SEMA5A: variants seen among roughly 807,000 people sequenced by gnomAD.
SEMA5A encodes semaphorin 5A.
In SEMA5A, 55 loss-of-function variants were observed where a neutral mutation model predicts 135.5. That is an observed-to-expected ratio of 0.41 (90% CI 0.33 to 0.51). The LOEUF (loss-of-function observed/expected upper bound fraction) is 0.51. Ranked by LOEUF, SEMA5A falls within the 20% of genes least tolerant of loss-of-function variation. SEMA5A has a pLI of 0.37. For missense variants in SEMA5A, 1,290 were observed against 1,419.9 expected (o/e 0.91, Z 1.47); for synonymous variants, 580 against 546.5 (o/e 1.06, Z -0.85).
chr5:9,287,516 C>T (rs1219502552), intron 5 of SEMA5A, among the ~76,000 whole-genome samples: 1 of 151,912 alleles, frequency 6.6e-6, no homozygotes, highest in Non-Finnish European at 1.5e-5. Flanking sequence ...TAATCTTATC[C>T]ATTGCAAGAA....
Position 9,251,343 on chromosome 5 carries a change from T to G in SEMA5A, c.271-13453A>C, listed in dbSNP as rs550876849. 3.9e-5 allele frequency among the ~76,000 whole-genome samples: 6 copies of G among 152,254 alleles called. No individual in the cohort carries two copies. In the East Asian group the frequency reaches 1.2e-3, roughly 29 times the overall value. Reference sequence around the variant, plus strand: ...CTGAGAAAAATTCTGAAAAGAGCCATGCTATTAAATGCTGATATTAATTGT... The same window carrying G: ...CTGAGAAAAATTCTGAAAAGAGCCAGGCTATTAAATGCTGATATTAATTGT... On this transcript the variant is annotated intron_variant, in intron 5 of 22. Transcript: ENST00000382496.
At position 9,152,277 on chromosome 5, in the gene SEMA5A, G is replaced by A. The variant is rs189292247; in HGVS notation, c.1481+2211C>T. 3.1e-4 allele frequency among the ~76,000 whole-genome samples: 47 copies of A among 152,240 alleles called. No individual in the cohort carries two copies. In the South Asian group the frequency reaches 4.8e-3, roughly 15 times the overall value. Reference sequence around the variant, plus strand: ...TTCACTGAGCTGGAGTTGAAAGACTGGTGTCCTTCTAGATATATTCCAGCT... The same window carrying A: ...TTCACTGAGCTGGAGTTGAAAGACTAGTGTCCTTCTAGATATATTCCAGCT... On this transcript the variant is annotated intron_variant, in intron 12 of 22. Coordinates refer to ENST00000382496, the MANE Select transcript of SEMA5A (RefSeq NM_003966.3).
intron 1 of SEMA5A, among the ~76,000 whole-genome samples, chr5:9,484,010 T>G (rs1207588402): frequency 1.3e-5 from 2 of 152,190 alleles, no homozygotes; most frequent in African/African-American, 4.8e-5. Flanking sequence ...TCATTCTATA[T>G]TCACAGAATC....
At chr5:9,538,085 C>T (rs1737869820) in intron 1 of SEMA5A, among the ~76,000 whole-genome samples, 1 of 152,126 alleles carries the variant, frequency 6.6e-6, no homozygotes, top group South Asian at 2.1e-4. Context: ...GTGCAGTAAA[C>T]AAGGTGGGAG....
chr5:9,280,160 G>A (rs1325541392), intron 5 of SEMA5A, among the ~76,000 whole-genome samples: 1 of 152,098 alleles, frequency 6.6e-6, no homozygotes, highest in Admixed American at 6.5e-5. Flanking sequence ...TAATACCAGG[G>A]CTTTGTACAC....
chr5:9,171,525 T>C (rs1743919556), intron 11 of SEMA5A, among the ~76,000 whole-genome samples: 1 of 152,186 alleles, frequency 6.6e-6, no homozygotes, highest in East Asian at 1.9e-4. Flanking sequence ...ACGCTAATGA[T>C]GCAGAGTCCA....
At chr5:9,527,638 G>A (rs1243671688) in intron 1 of SEMA5A, among the ~76,000 whole-genome samples, 1 of 152,162 alleles carries the variant, frequency 6.6e-6, no homozygotes, top group Non-Finnish European at 1.5e-5. Context: ...TCATCACAAA[G>A]TAATACTTGC....
At chr5:9,251,505 A>G (rs1010742110) in intron 5 of SEMA5A, among the ~76,000 whole-genome samples, 1 of 152,184 alleles carries the variant, frequency 6.6e-6, no homozygotes, top group African/African-American at 2.4e-5. Flanking sequence ...TTCTAAAAAT[A>G]CTTTAGGTAT....
At position 9,042,527 on chromosome 5, in the gene SEMA5A, T is replaced by G; in HGVS notation, c.*370A>C. 1 of 234,686 alleles carries G rather than the reference T, an allele frequency of 4.3e-6. No individual in the cohort carries two copies. 14.5% of individuals were successfully genotyped at this position (234,686 alleles called of 1,614,324 possible). A position where few individuals can be genotyped will look rare whatever the true frequency, so the allele number is the denominator to read the frequency against. ...CTTTCAGAGAAAGTGCCTATTTTCT[T>G]GAATTACAACATCATGAAGATTTAC... is the stretch of plus-strand genomic sequence containing the variant. On this transcript the variant is annotated 3_prime_UTR_variant, in exon 23 of 23. Coordinates refer to ENST00000382496, the MANE Select transcript of SEMA5A (RefSeq NM_003966.3).
chr5:9,128,664 G>A (rs1741243512), intron 13 of SEMA5A, among the ~76,000 whole-genome samples: 2 of 152,138 alleles, frequency 1.3e-5, no homozygotes, highest in Admixed American at 1.3e-4. Flanking sequence ...CAGTCTATAT[G>A]ATTTAATTTC....
intron 2 of SEMA5A, among the ~76,000 whole-genome samples, chr5:9,418,343 T>A (rs1248000129): frequency 1.3e-5 from 2 of 152,128 alleles, no homozygotes; most frequent in Non-Finnish European, 2.9e-5. Context: ...TAATCACCTC[T>A]CAAAGGTCCA....
At chr5:9,194,156 C>A (rs1184927797) in intron 10 of SEMA5A, among the ~76,000 whole-genome samples, 2 of 152,188 alleles carry the variant, frequency 1.3e-5, no homozygotes, top group Non-Finnish European at 2.9e-5. Flanking sequence ...GCGTGTCTTA[C>A]TGAGGGTCAG....
chr5:9,187,323 CA>C (rs1179765694), intron 11 of SEMA5A, among the ~76,000 whole-genome samples: 1 of 152,056 alleles, frequency 6.6e-6, no homozygotes. Context: ...AAAAGATCCA[CA>C]AGTTAGTTGA....
At chr5:9,269,428 G>T (rs1231169465) in intron 5 of SEMA5A, among the ~76,000 whole-genome samples, 3 of 152,158 alleles carry the variant, frequency 2.0e-5, no homozygotes, top group African/African-American at 7.2e-5. Flanking sequence ...TACAAGAACA[G>T]TATTTGTGTT....
At chr5:9,067,638 C>A (rs889928528) in intron 16 of SEMA5A, among the ~76,000 whole-genome samples, 1 of 152,136 alleles carries the variant, frequency 6.6e-6, no homozygotes. Flanking sequence ...CTTTCAGTTG[C>A]AGATTTTGAT....
intron 8 of SEMA5A, among the ~76,000 whole-genome samples, chr5:9,213,976 G>T (rs1350500299): frequency 6.6e-6 from 1 of 151,500 alleles, no homozygotes; most frequent in East Asian, 1.9e-4. Context: ...CCAGTAGTAT[G>T]GGGGAAAGTG....
chr5:9,398,239 A>C (rs1044124134), intron 2 of SEMA5A, among the ~76,000 whole-genome samples: 8 of 152,210 alleles, frequency 5.3e-5, no homozygotes, highest in Non-Finnish European at 7.3e-5. Context: ...AGCCTAGAAA[A>C]AATATGACAC....
chr5:9,240,112 T>A (rs1406437479), intron 5 of SEMA5A, among the ~76,000 whole-genome samples: 1 of 152,002 alleles, frequency 6.6e-6, no homozygotes, highest in Non-Finnish European at 1.5e-5. Flanking sequence ...TTATCCAGCA[T>A]ACCAAAAAAT....
chr5:9,200,241 G>T (rs1168858742), intron 9 of SEMA5A, among the ~76,000 whole-genome samples: 2 of 152,174 alleles, frequency 1.3e-5, no homozygotes, highest in African/African-American at 2.4e-5. Context: ...GACATGATGG[G>T]AATTTGCAAC....
Sources: gnomAD v4.1 joint callset for allele counts (sites outside exome capture counted in the v4.1 genomes callset) on GRCh38, gnomAD v4.1.1 for gene constraint, MANE v1.5 for transcripts, NCBI Gene and HGNC (gene_info 2026-07-23, HGNC 2026-07-21) for gene names.